Variants in NAGPA observed in about 807,000 individuals in gnomAD.
NAGPA encodes the protein N-acetylglucosamine-1-phosphodiester alpha-N-acetylglucosaminidase.
Under a neutral mutation model 48.5 loss-of-function variants are expected in NAGPA, and 56 were observed. The ratio of observed to expected loss-of-function variants is 1.15; its 90% confidence interval spans 0.93 to 1.44. NAGPA has a LOEUF of 1.44. Among genes scored for constraint, NAGPA ranks in the 40% most tolerant of loss-of-function variants. NAGPA has a pLI of 0.00. For missense variants in NAGPA, 888 were observed against 735.0 expected, an observed-to-expected ratio of 1.21 and a Z score of -2.41; for synonymous variants, 399 against 315.5, an observed-to-expected ratio of 1.26 and a Z score of -2.81.
chr16:5,033,580 G>C lies in NAGPA; in HGVS notation c.235C>G (p.Arg79Gly). ...TCCCTGAAGTGCGACACGAAGGTGC[G>C]CACGGCCAGACCGCCGGCGCCGGGA... ...ATPGAGGLAV[R>G]TFVSHFRDRA... is the part of the protein sequence containing the mutation. Residue 79 changes from arginine to glycine, a missense_variant, in exon 2 of 10, where the codon CGC becomes GGC. Coordinates refer to ENST00000312251, the MANE Select transcript of NAGPA (RefSeq NM_016256.4). This position sits in a 1 kb window ranked among gnomAD's most constrained non-coding sequence, Gnocchi z 4.2. 1.3e-6 allele frequency: 2 copies of C among 1,492,444 alleles called. No homozygotes were observed. The highest frequency in any genetic ancestry group is 1.8e-6 in the Non-Finnish European group (2 of 1,131,754). The allele number at this position is 1,492,444 out of a possible 1,614,324, so 92.5% of individuals were successfully genotyped here. A position where few individuals can be genotyped will look rare whatever the true frequency, so the allele number is the denominator to read the frequency against.
chr16:5,027,409 G>C, intron 7 of NAGPA, 30 bp from the exon 8 acceptor site: 1 of 1,608,432 alleles, frequency 6.2e-7, no homozygotes. Flanking sequence ...GGAGGGAGGA[G>C]GGAGGAGAAA....
rs1955976287 is a variant in NAGPA, at chr16:5,025,334, C to T, written c.*144G>A. On this transcript the variant is annotated 3_prime_UTR_variant, in exon 10 of 10. Transcript: ENST00000312251. Reference sequence around the variant, plus strand: ...GGTGGCCAGGTGAGGGGCTGAGGCACAAGTGCTATCAGGAACTTGGCTGCC... The same window carrying T: ...GGTGGCCAGGTGAGGGGCTGAGGCATAAGTGCTATCAGGAACTTGGCTGCC... 2 of 963,678 alleles carry T rather than the reference C, an allele frequency of 2.1e-6. No individual in the cohort carries two copies. The highest frequency in any genetic ancestry group is 3.1e-6 in the Non-Finnish European group (2 of 635,826). The allele number at this position is 963,678 out of a possible 1,614,324, so 59.7% of individuals were successfully genotyped here. A position where few individuals can be genotyped will look rare whatever the true frequency, so the allele number is the denominator to read the frequency against.
At position 5,033,335 on chromosome 16, in the gene NAGPA, G is replaced by C; in HGVS notation, c.480C>G (p.Ser160Arg). ...GNVVSDERRV[S>R]SSGGLQNAQF... Reference sequence around the variant, plus strand: ...GCGCGTTCTGCAGCCCCCCGGAGCTGCTCACCCGCCGCTCGTCGCTCACCA... The same window carrying C: ...GCGCGTTCTGCAGCCCCCCGGAGCTCCTCACCCGCCGCTCGTCGCTCACCA... The change falls in exon 2 of 10, where the codon AGC becomes AGG. Residue 160 changes from serine (S) to arginine (R), a missense_variant. By Grantham distance (110) the Ser-to-Arg change is moderately radical. Transcript: ENST00000312251. The surrounding 1 kb of genome is among the most constrained non-coding windows in gnomAD (Gnocchi z 4.2). The C allele has an allele frequency of 1.9e-6, 3 of 1,597,274 alleles. No individual in the cohort carries two copies. The South Asian group carries it at 3.3e-5, about 18-fold the overall frequency.
rs751991891 is a variant in NAGPA, at chr16:5,027,882, A to G, written c.1138T>C (p.Cys380Arg). Residue 380 changes from cysteine to arginine, a missense_variant, in exon 7 of 10, where the codon TGT becomes CGT. Transcript: ENST00000312251. ...HGLCTETGCR[C>R]DAGWTGSNCS... ...TTGGACCCGGTCCATCCGGCATCAC[A>G]GCGGCAGCCGGCTGCCGAGACAAGA... The G allele has an allele frequency of 6.3e-7, 1 of 1,586,222 alleles. No homozygotes were observed. The highest frequency in any genetic ancestry group is 8.6e-7 in the Non-Finnish European group (1 of 1,166,604).
chr16:5,029,913 G>GACCCTGTCTCAAAGAAACA, intron 4 of NAGPA: 1 of 243,274 alleles, frequency 4.1e-6, no homozygotes, highest in East Asian at 1.1e-4. Context: ...GACGGAGTAA[G>GACCCTGTCTCAAAGAAACA]ACCCTGTCTC....
At chr16:5,031,910 C>G (rs1956105705) in intron 2 of NAGPA, 26 bp from the exon 3 acceptor site, 1 of 1,614,046 alleles carries the variant, frequency 6.2e-7, no homozygotes, top group South Asian at 1.1e-5. Flanking sequence ...GTGGGAAGCT[C>G]ACTCACCAGC....
rs764228417 is a variant in NAGPA, at chr16:5,033,660, G to A, written c.155C>T (p.Thr52Ile). ...CTCGCGGTTGCCGGCGCGCACCCGT[G>A]TGCAGTCCCGGGGGAGGCGCGCGCG... ...RARARLPRDC[T>I]RVRAGNREHE... The change falls in exon 2 of 10, where the codon ACA becomes ATA. Residue 52 changes from threonine (T) to isoleucine (I), a missense_variant. Coordinates refer to ENST00000312251, the MANE Select transcript of NAGPA (RefSeq NM_016256.4). The surrounding 1 kb of genome is among the most constrained non-coding windows in gnomAD (Gnocchi z 4.2). The A allele has an allele frequency of 6.3e-7, 1 of 1,586,314 alleles. No individual in the cohort carries two copies. The highest frequency in any genetic ancestry group is 1.1e-5 in the South Asian group (1 of 89,690).
In NAGPA at chr16:5,029,429, C is replaced by T. The variant is rs1400952654; in HGVS notation, c.792-421G>A. ...AAGGAGCTGAGGCCCCAGATGGCGGCCAGCAGGGAAACCAAGACCTCAGTC... is the reference window on the plus strand; with the variant it reads ...AAGGAGCTGAGGCCCCAGATGGCGGTCAGCAGGGAAACCAAGACCTCAGTC... On this transcript the variant is annotated intron_variant, in intron 4 of 9. Coordinates refer to ENST00000312251, the MANE Select transcript of NAGPA (RefSeq NM_016256.4). The T allele has an allele frequency of 2.1e-5, 6 of 285,790 alleles. No homozygotes were observed. The East Asian group carries it at 5.6e-4, about 27-fold the overall frequency. The allele number at this position is 285,790 out of a possible 1,614,324, so 17.7% of individuals were successfully genotyped here.
At chr16:5,026,271 G>A (rs1955998991) in intron 9 of NAGPA, among the ~76,000 whole-genome samples, 1 of 151,062 alleles carries the variant, frequency 6.6e-6, no homozygotes, top group African/African-American at 2.4e-5. Context: ...TTAAGGCTGG[G>A]CGTGGTGCTC....
chr16:5,028,685 G>T, intron 5 of NAGPA, 195 bp downstream of exon 5: 1 of 794,954 alleles, frequency 1.3e-6, no homozygotes, highest in Non-Finnish European at 2.1e-6. Flanking sequence ...CATCCTCAGG[G>T]AGGTCTTTGC....
chr16:5,026,900 C>T (rs1371659170), intron 9 of NAGPA, among the ~76,000 whole-genome samples: 1 of 152,170 alleles, frequency 6.6e-6, no homozygotes, highest in Non-Finnish European at 1.5e-5. Context: ...TCTCATCTAG[C>T]CCAGTTTGCA....
At chr16:5,028,483 C>T (rs1956044545) in intron 5 of NAGPA, 2 of 643,100 alleles carry the variant, frequency 3.1e-6, no homozygotes, top group Non-Finnish European at 5.6e-6. Context: ...GAACCTCCCA[C>T]CTCGGCCTCC....
At chr16:5,028,424 A>G in intron 5 of NAGPA, 1 of 818,428 alleles carries the variant, frequency 1.2e-6, no homozygotes, top group Non-Finnish European at 2.0e-6. Flanking sequence ...TTTTTCATAA[A>G]GACAGGGTCT....
chr16:5,025,783 C>G (rs898012363), intron 9 of NAGPA, 98 bp from the exon 10 acceptor site: 3 of 1,289,070 alleles, frequency 2.3e-6, no homozygotes, highest in Admixed American at 2.0e-5. Context: ...ATAGATAGCA[C>G]TAAATCAGGT....
intron 3 of NAGPA, 135 bp downstream of exon 3, chr16:5,031,610 G>T: frequency 8.5e-7 from 1 of 1,180,692 alleles, no homozygotes; most frequent in Non-Finnish European, 1.3e-6. Context: ...TCCTCCCCAT[G>T]AATCCCCAGT....
Position 5,025,580 on chromosome 16 carries a change from C to A in NAGPA, c.1446G>T (p.Leu482=), listed in dbSNP as rs764636540. Reference sequence around the variant, plus strand: ...GCGGGTGGTATGCATAGTCCCCATGCAGGCGCCGGTTCCTCTCTGCTCTGG... The same window carrying A: ...GCGGGTGGTATGCATAGTCCCCATGAAGGCGCCGGTTCCTCTCTGCTCTGG... The part of the protein sequence containing the change: ...LLSRAERNRR[L]HGDYAYHPLQ... The change falls in exon 10 of 10, where the codon CTG becomes CTT. Residue 482 remains leucine (L), a synonymous_variant. Transcript: ENST00000312251. The A allele has an allele frequency of 9.3e-6, 15 of 1,613,910 alleles. No homozygotes were observed. The highest frequency in any genetic ancestry group is 3.4e-6 in the Non-Finnish European group (4 of 1,180,054).
At chr16:5,028,735 C>A in intron 5 of NAGPA, 145 bp downstream of exon 5, 1 of 1,289,086 alleles carries the variant, frequency 7.8e-7, no homozygotes, top group Non-Finnish European at 1.1e-6. Context: ...GTAGTACTGG[C>A]ATCCTGGGGG....
rs200663126 is a variant in NAGPA at position 5,025,513 on chromosome 16, G to T, written c.1513C>A (p.Gln505Lys). 5.5e-5 allele frequency: 88 copies of T among 1,612,592 alleles called. No individual in the cohort carries two copies. The highest frequency in any genetic ancestry group is 4.0e-4 in the Middle Eastern group (2 of 5,006). The stretch of plus-strand genomic sequence containing the variant: ...AAGGGGTTGTGGGCGCCCCCTGGCT[G>T]CTCCTTCTCTGCGGCCAGAGGCTCC... ...NGEPLAAEKEQPGGAHNPFKD is the reference protein window; with the variant it reads ...NGEPLAAEKEKPGGAHNPFKD The change falls in exon 10 of 10, where the codon CAG becomes AAG. Residue 505 changes from glutamine (Q) to lysine (K), a missense_variant. Coordinates refer to ENST00000312251, the MANE Select transcript of NAGPA (RefSeq NM_016256.4).
At chr16:5,030,797 C>T (rs1017735152) in intron 3 of NAGPA, 11 of 475,012 alleles carry the variant, frequency 2.3e-5, no homozygotes, top group Admixed American at 1.0e-4. Flanking sequence ...CCTCCTGCCT[C>T]AGCTCCTGGG....
Sources: gnomAD v4.1 joint callset for allele counts (sites outside exome capture counted in the v4.1 genomes callset) on GRCh38, gnomAD v4.1.1 for gene constraint, Gnocchi (gnomAD v3.1) non-coding constraint, MANE v1.5 for transcripts, NCBI Gene and HGNC (gene_info 2026-07-23, HGNC 2026-07-21) for gene names.